The following CCN2 variants were observed in gnomAD, a reference collection of about 807,000 sequenced individuals.
CCN2 encodes the protein cellular communication network factor 2.
A neutral mutation model predicts 33.2 loss-of-function variants in CCN2; 22 were observed. The observed-to-expected ratio is 0.66, with a 90% CI of 0.47 to 0.95. The LOEUF (loss-of-function observed/expected upper bound fraction) is 0.95. CCN2 is among the 40% of genes least tolerant of loss of function. The pLI, the probability that CCN2 is intolerant of heterozygous loss-of-function variation, is 0.00. For synonymous variants in CCN2, 178 were observed against 200.6 expected (o/e 0.89, Z 0.95); for missense variants, 469 against 498.8 (o/e 0.94, Z 0.57).
chr6:131,949,946 T>C lies in CCN2; in HGVS notation c.753+3A>G. 1 of 1,613,252 alleles carries C rather than the reference T, an allele frequency of 6.2e-7. No individual in the cohort carries two copies. On this transcript the variant is annotated splice_donor_region_variant and intron_variant, in intron 4 of 4. Coordinates refer to ENST00000367976, the MANE Select transcript of CCN2 (RefSeq NM_001901.4). Reference sequence around the variant, plus strand: ...AAATAGTTAATAGGAGCAGAACATGTACCTTAATGTTCTCTTCCAGGTCAG... The same window carrying C: ...AAATAGTTAATAGGAGCAGAACATGCACCTTAATGTTCTCTTCCAGGTCAG...
In CCN2 at chr6:131,950,340, C is replaced by A. The variant is rs757936868; in HGVS notation, c.493G>T (p.Val165Leu). Residue 165 changes from valine to leucine, a missense_variant, in exon 3 of 5, where the codon GTG (valine) becomes TTG (leucine). Coordinates refer to ENST00000367976, the MANE Select transcript of CCN2 (RefSeq NM_001901.4). The surrounding 1 kb of genome is among the most constrained non-coding windows in gnomAD (Gnocchi z 7.1). ...KLPGKCCEEW[V>L]CDEPKDQTVV... ...GTTTGGTCCTTGGGCTCGTCACACA[C>A]CCACTCCTCGCAGCATTTCCCGGGC... 6.2e-7 allele frequency: 1 copy of A among 1,614,182 alleles called. No individual in the cohort carries two copies. The highest frequency in any genetic ancestry group is 1.7e-5 in the Admixed American group (1 of 60,036).
In CCN2 at chr6:131,949,118, T is replaced by C. The variant is rs942445351; in HGVS notation, c.*146A>G. ...AGACTATTTGTTTGACATGGCACAA[T>C]GTTTTGAATTGGGTGGGAATCTTTT... On this transcript the variant is annotated 3_prime_UTR_variant, in exon 5 of 5. Coordinates refer to ENST00000367976, the MANE Select transcript of CCN2 (RefSeq NM_001901.4). 1.4e-6 allele frequency: 1 copy of C among 709,406 alleles called. No individual in the cohort carries two copies. The highest frequency in any genetic ancestry group is 2.4e-6 in the Non-Finnish European group (1 of 422,152). The allele number at this position is 709,406 out of a possible 1,614,324, so 43.9% of individuals were successfully genotyped here.
rs1205694127 is a variant in CCN2 at position 131,950,372 on chromosome 6, A to G, written c.461T>C (p.Val154Ala). 6.2e-7 allele frequency: 1 copy of G among 1,613,134 alleles called. No homozygotes were observed. The highest frequency in any genetic ancestry group is 1.7e-5 in the Admixed American group (1 of 59,926). ...PSPDCPFPRRVKLPGKCCEEW... is the reference protein window; with the variant it reads ...PSPDCPFPRRAKLPGKCCEEW... ...CTCGCAGCATTTCCCGGGCAGCTTG[A>G]CCCTCCTCGGGAAGGGGCAGTCAGG... The change falls in exon 3 of 5, where the codon GTC becomes GCC. Residue 154 changes from valine (V) to alanine (A), a missense_variant. Val to Ala is a moderately conservative substitution (Grantham distance 64, BLOSUM62 0). Transcript: ENST00000367976. The surrounding 1 kb of genome is among the most constrained non-coding windows in gnomAD (Gnocchi z 7.1).
chr6:131,949,959 TCTTCCAGGTCAG>T lies in CCN2; in HGVS notation c.731_742del (p.Ala244_Glu247del). The T allele has an allele frequency of 6.2e-7, 1 of 1,614,226 alleles. No homozygotes were observed. The highest frequency in any genetic ancestry group is 8.5e-7 in the Non-Finnish European group (1 of 1,180,028). On this transcript the variant is annotated inframe_deletion, in exon 4 of 5. Coordinates refer to ENST00000367976, the MANE Select transcript of CCN2 (RefSeq NM_001901.4). ...GAGCAGAACATGTACCTTAATGTTCTCTTCCAGGTCAGCTTCGCAAGGCCTGACCATGCACAG... is the reference window on the plus strand; with the variant it reads ...GAGCAGAACATGTACCTTAATGTTCTCTTCGCAAGGCCTGACCATGCACAG...
In CCN2 at chr6:131,949,375, C is replaced by T; in HGVS notation, c.939G>A (p.Met313Ile). The change falls in exon 5 of 5, where the codon ATG (methionine) becomes ATA (isoleucine). Residue 313 changes from methionine (M) to isoleucine (I), a missense_variant. Coordinates refer to ENST00000367976, the MANE Select transcript of CCN2 (RefSeq NM_001901.4). ...TCTTGATGAACATCATGTTCTTCTT[C>T]ATGACCTCGCCGTCAGGGCACTTGA... Reference protein sequence around the residue: ...VEFKCPDGEVMKKNMMFIKTC... With the variant: ...VEFKCPDGEVIKKNMMFIKTC... 1 of 1,614,176 alleles carries T rather than the reference C, an allele frequency of 6.2e-7. No homozygotes were observed. Among genetic ancestry groups the T allele is most frequent in the Non-Finnish European group, 8.5e-7 (1 of 1,180,036 alleles).
Position 131,951,337 on chromosome 6 carries a change from T to A in CCN2, c.-165A>T, listed in dbSNP as rs1783109337. ...GTCGAGCTGGAGGGTGGAGTCGCAC[T>A]GGCTGTCTCCTCTCAGCGGGGAAGA... On this transcript the variant is annotated 5_prime_UTR_variant, in exon 1 of 5. Transcript: ENST00000367976. 4.2e-6 allele frequency: 2 copies of A among 479,614 alleles called. No individual in the cohort carries two copies. The highest frequency in any genetic ancestry group is 6.5e-6 in the Non-Finnish European group (2 of 307,956). The allele number at this position is 479,614 out of a possible 1,614,324, so 29.7% of individuals were successfully genotyped here.
chr6:131,949,952 A>G lies in CCN2; in HGVS notation c.750T>C (p.Ile250=). The G allele has an allele frequency of 6.2e-7, 1 of 1,613,482 alleles. No homozygotes were observed. Among genetic ancestry groups the G allele is most frequent in the African/African-American group, 1.3e-5 (1 of 74,924 alleles). The change falls in exon 4 of 5, where the codon ATT becomes ATC. Residue 250 remains isoleucine (I), a synonymous_variant. Coordinates refer to ENST00000367976, the MANE Select transcript of CCN2 (RefSeq NM_001901.4). ...RPCEADLEEN[I]KKGKKCIRTP... ...TTAATAGGAGCAGAACATGTACCTTAATGTTCTCTTCCAGGTCAGCTTCGC... is the reference window on the plus strand; with the variant it reads ...TTAATAGGAGCAGAACATGTACCTTGATGTTCTCTTCCAGGTCAGCTTCGC...
rs755682454 is a variant in CCN2 at position 131,949,944 on chromosome 6, T to G, written c.753+5A>C. 3 of 1,614,058 alleles carry G rather than the reference T, an allele frequency of 1.9e-6. No homozygotes were observed. Among genetic ancestry groups the G allele is most frequent in the Non-Finnish European group, 2.5e-6 (3 of 1,179,930 alleles). ...AAAAATAGTTAATAGGAGCAGAACATGTACCTTAATGTTCTCTTCCAGGTC... is the reference window on the plus strand; with the variant it reads ...AAAAATAGTTAATAGGAGCAGAACAGGTACCTTAATGTTCTCTTCCAGGTC... On this transcript the variant is annotated splice_donor_5th_base_variant and intron_variant, in intron 4 of 4. Transcript: ENST00000367976.
chr6:131,949,130 G>T lies in CCN2; in HGVS notation c.*134C>A. 1.3e-6 allele frequency: 1 copy of T among 767,472 alleles called. No homozygotes were observed. The highest frequency in any genetic ancestry group is 2.1e-6 in the Non-Finnish European group (1 of 467,042). The allele number at this position is 767,472 out of a possible 1,614,324, so 47.5% of individuals were successfully genotyped here. ...TGACATGGCACAATGTTTTGAATTG[G>T]GTGGGAATCTTTTCCCCCAGTTAGA... On this transcript the variant is annotated 3_prime_UTR_variant, in exon 5 of 5. Coordinates refer to ENST00000367976, the MANE Select transcript of CCN2 (RefSeq NM_001901.4).
chr6:131,951,358 G>C lies in CCN2; in HGVS notation c.-186C>G. 2.2e-6 allele frequency: 1 copy of C among 444,674 alleles called. No individual in the cohort carries two copies. Among genetic ancestry groups the C allele is most frequent in the Non-Finnish European group, 3.6e-6 (1 of 276,614 alleles). The allele number at this position is 444,674 out of a possible 1,614,324, so 27.5% of individuals were successfully genotyped here. Reference sequence around the variant, plus strand: ...GCACTGGCTGTCTCCTCTCAGCGGGGAAGAGTTGTTGTGTGAGTTTGGGGC... The same window carrying C: ...GCACTGGCTGTCTCCTCTCAGCGGGCAAGAGTTGTTGTGTGAGTTTGGGGC... On this transcript the variant is annotated 5_prime_UTR_variant, in exon 1 of 5. Coordinates refer to ENST00000367976, the MANE Select transcript of CCN2 (RefSeq NM_001901.4).
rs960807081 is a variant in CCN2 at position 131,949,106 on chromosome 6, G to A, written c.*158C>T. 3 of 674,102 alleles carry A rather than the reference G, an allele frequency of 4.5e-6. No individual in the cohort carries two copies. Among genetic ancestry groups the A allele is most frequent in the African/African-American group, 3.6e-5 (2 of 55,600 alleles). The allele number at this position is 674,102 out of a possible 1,614,324, so 41.8% of individuals were successfully genotyped here. On this transcript the variant is annotated 3_prime_UTR_variant, in exon 5 of 5. Coordinates refer to ENST00000367976, the MANE Select transcript of CCN2 (RefSeq NM_001901.4). ...TCTGGGGTTGATAGACTATTTGTTT[G>A]ACATGGCACAATGTTTTGAATTGGG...
intron 4 of CCN2, 127 bp from the exon 5 acceptor site, chr6:131,949,687 G>T: frequency 2.0e-6 from 2 of 993,528 alleles, no homozygotes; most frequent in Non-Finnish European, 1.5e-6. Flanking sequence ...TTTGAGGGGA[G>T]GAAGTTTGAG....
Position 131,950,030 on chromosome 6 carries a change from G to T in CCN2, c.672C>A (p.Asp224Glu). Residue 224 changes from aspartate to glutamate, a missense_variant, in exon 4 of 5, where the codon GAC (aspartate) becomes GAA (glutamate). Physicochemically the swap from Asp to Glu is conservative, Grantham distance 45. Transcript: ENST00000367976. This position sits in a 1 kb window ranked among gnomAD's most constrained non-coding sequence, Gnocchi z 7.1. ...GMGISTRVTN[D>E]NASCRLEKQS... ...GCTTCTCTAGCCTGCAGGAGGCGTTGTCATTGGTAACCCGGGTGGAGATGC... is the reference window on the plus strand; with the variant it reads ...GCTTCTCTAGCCTGCAGGAGGCGTTTTCATTGGTAACCCGGGTGGAGATGC... 1.9e-6 allele frequency: 3 copies of T among 1,614,232 alleles called. No individual in the cohort carries two copies. Among genetic ancestry groups the T allele is most frequent in the Middle Eastern group, 1.6e-4 (1 of 6,062 alleles).
rs1783083590 is a variant in CCN2, at chr6:131,950,202, A to G, written c.542-42T>C. 2 of 1,613,216 alleles carry G rather than the reference A, an allele frequency of 1.2e-6. No individual in the cohort carries two copies. The highest frequency in any genetic ancestry group is 1.7e-6 in the Non-Finnish European group (2 of 1,179,336). On this transcript the variant is annotated intron_variant, in intron 3 of 4. Transcript: ENST00000367976. The surrounding 1 kb of genome is among the most constrained non-coding windows in gnomAD (Gnocchi z 7.1). ...CACAAACACCATGTAAAACGCCTGG[A>G]TAAGGTATTTCCCCCGTTCGGTCGG... is the stretch of plus-strand genomic sequence containing the variant.
chr6:131,950,527 G>C lies in CCN2; in HGVS notation c.306C>G (p.Pro102=). 1 of 1,613,630 alleles carries C rather than the reference G, an allele frequency of 6.2e-7. No homozygotes were observed. Among genetic ancestry groups the C allele is most frequent in the Non-Finnish European group, 8.5e-7 (1 of 1,179,920 alleles). Residue 102 remains proline (P), a synonymous_variant, in exon 3 of 5, where the codon CCC becomes CCG. Transcript: ENST00000367976. The surrounding 1 kb of genome is among the most constrained non-coding windows in gnomAD (Gnocchi z 7.1). Reference sequence around the variant, plus strand: ...GGTACACCGTACCACCGAAGATGCAGGGAGCACCATCTTTGGCTGGAGAAG... The same window carrying C: ...GGTACACCGTACCACCGAAGATGCACGGAGCACCATCTTTGGCTGGAGAAG... ...IGVCTAKDGA[P]CIFGGTVYRS...
chr6:131,949,926 G>T, intron 4 of CCN2, 23 bp downstream of exon 4: 2 of 1,611,100 alleles, frequency 1.2e-6, no homozygotes, highest in Non-Finnish European at 1.7e-6. Flanking sequence ...GTGAAAAATA[G>T]TTAATAGGAG....
intron 4 of CCN2, 72 bp downstream of exon 4, chr6:131,949,877 G>A: frequency 7.0e-7 from 1 of 1,430,772 alleles, no homozygotes; most frequent in East Asian, 2.3e-5. Context: ...AACAAGCGTG[G>A]CAAGAGCCCT....
intron 4 of CCN2, 52 bp from the exon 5 acceptor site, chr6:131,949,612 C>T (rs1485562660): frequency 2.0e-6 from 3 of 1,487,502 alleles, no homozygotes; most frequent in African/African-American, 1.4e-5. Flanking sequence ...AGCGACTCTA[C>T]AAGAGGAGTG....
Position 131,949,970 on chromosome 6 carries a change from A to T in CCN2, c.732T>A (p.Ala244=). ...SRLCMVRPCE[A]DLEENIKKGK... is the part of the protein sequence containing the mutation. ...GTACCTTAATGTTCTCTTCCAGGTC[A>T]GCTTCGCAAGGCCTGACCATGCACA... Residue 244 remains alanine (A), a synonymous_variant, in exon 4 of 5, where the codon GCT becomes GCA. Coordinates refer to ENST00000367976, the MANE Select transcript of CCN2 (RefSeq NM_001901.4). 6.2e-7 allele frequency: 1 copy of T among 1,614,204 alleles called. No homozygotes were observed. The highest frequency in any genetic ancestry group is 8.5e-7 in the Non-Finnish European group (1 of 1,180,030).
Sources: gnomAD v4.1 joint callset for allele counts on GRCh38, gnomAD v4.1.1 for gene constraint, Gnocchi (gnomAD v3.1) non-coding constraint, MANE v1.5 for transcripts, NCBI Gene and HGNC (gene_info 2026-07-23, HGNC 2026-07-21) for gene names.